Variants in CFAP61 observed in about 807,000 individuals in gnomAD.
The protein encoded by CFAP61 is cilia and flagella associated protein 61, also known as cilia- and flagella-associated protein 61.
CFAP61 carries 107 observed loss-of-function variants against 135.6 expected under a neutral mutation model. That is an observed-to-expected ratio of 0.79 (90% confidence interval 0.67 to 0.93). The LOEUF (loss-of-function observed/expected upper bound fraction) is 0.93, where lower values mean the gene tolerates loss of function less well. CFAP61 is among the 40% of genes least tolerant of loss of function. The pLI is 0.00. For missense variants in CFAP61, 1,507 were observed against 1,556.2 expected (o/e 0.97, Z 0.53); for synonymous variants, 575 against 578.5 (o/e 0.99, Z 0.09).
At position 20,098,772 on chromosome 20, in the gene CFAP61, G is replaced by T; in HGVS notation, c.817G>T (p.Val273Phe). ...HGLCFPHPDDVLESPQDLSVR... is the reference protein window; with the variant it reads ...HGLCFPHPDDFLESPQDLSVR... Reference sequence around the variant, plus strand: ...ACTCTGTTTCCCACATCCTGATGACGTTCTGGAATCACCACAAGACCTAAG... The same window carrying T: ...ACTCTGTTTCCCACATCCTGATGACTTTCTGGAATCACCACAAGACCTAAG... Residue 273 changes from valine to phenylalanine, a missense_variant, in exon 8 of 27, where the codon GTT becomes TTT. Coordinates refer to ENST00000245957, the MANE Select transcript of CFAP61 (RefSeq NM_015585.4). The T allele has an allele frequency of 6.2e-7, 1 of 1,613,922 alleles. No individual in the cohort carries two copies. The highest frequency in any genetic ancestry group is 8.5e-7 in the Non-Finnish European group (1 of 1,179,958).
At chr20:20,064,123 A>T (rs1348532468) in intron 2 of CFAP61, among the ~76,000 whole-genome samples, 1 of 149,188 alleles carries the variant, frequency 6.7e-6, no homozygotes, top group Admixed American at 7.0e-5. Flanking sequence ...TCCGATTGTT[A>T]TCAGTCAGAA....
chr20:20,164,981 G>C (rs1469044835), intron 11 of CFAP61, among the ~76,000 whole-genome samples: 1 of 152,164 alleles, frequency 6.6e-6, no homozygotes, highest in African/African-American at 2.4e-5. Flanking sequence ...CACAAGAACA[G>C]TATGGGGGAA....
intron 8 of CFAP61, chr20:20,107,576 A>G (rs2048500686): frequency 6.6e-6 from 1 of 152,190 alleles, no homozygotes; most frequent in Non-Finnish European, 1.5e-5. Context: ...TATATGTATA[A>G]TATATGTGTG....
chr20:20,070,751 G>T (rs756600377), intron 2 of CFAP61, 103 bp from the exon 3 acceptor site: 49 of 952,016 alleles, frequency 5.1e-5, no homozygotes, highest in Non-Finnish European at 7.2e-5. Context: ...CTGACCTCAT[G>T]CAGTGGCTGC....
At chr20:20,105,919 A>G (rs535775762) in intron 8 of CFAP61, among the ~76,000 whole-genome samples, 42 of 149,338 alleles carry the variant, frequency 2.8e-4, no homozygotes, top group South Asian at 2.1e-3. Flanking sequence ...GATTACAGGC[A>G]TGATGAATTT....
chr20:20,066,703 T>A (rs923120993), intron 2 of CFAP61, among the ~76,000 whole-genome samples: 7 of 152,058 alleles, frequency 4.6e-5, no homozygotes, highest in Non-Finnish European at 8.8e-5. Flanking sequence ...AGGGATAACA[T>A]TAGGAGAAAT....
chr20:20,344,872 A>AT (rs1174819967), intron 26 of CFAP61, among the ~76,000 whole-genome samples: 2 of 152,162 alleles, frequency 1.3e-5, no homozygotes, highest in Non-Finnish European at 2.9e-5. Context: ...AAGTGAATGG[A>AT]TAAAAAAAAA....
At chr20:20,154,011 C>T (rs1352313631) in intron 9 of CFAP61, among the ~76,000 whole-genome samples, 1 of 151,982 alleles carries the variant, frequency 6.6e-6, no homozygotes, top group Admixed American at 6.6e-5. Flanking sequence ...GATAATACAC[C>T]ATGATCAAGT....
intron 8 of CFAP61, among the ~76,000 whole-genome samples, chr20:20,118,033 A>G (rs1364783584): frequency 6.6e-6 from 1 of 152,126 alleles, no homozygotes; most frequent in Non-Finnish European, 1.5e-5. Context: ...TTGTCTGTGA[A>G]CAAAACAAAT....
At chr20:20,257,938 C>T (rs1331832474) in intron 20 of CFAP61, among the ~76,000 whole-genome samples, 1 of 152,078 alleles carries the variant, frequency 6.6e-6, no homozygotes, top group Non-Finnish European at 1.5e-5. Context: ...TTTGAAACAG[C>T]ATGAAGGAAT....
chr20:20,095,643 A>G (rs1345752771), intron 7 of CFAP61: 1 of 152,458 alleles, frequency 6.6e-6, no homozygotes, highest in Non-Finnish European at 1.5e-5. Flanking sequence ...GTTGGAGGCC[A>G]GCGGCGGCTC....
chr20:20,316,654 C>G (rs1489804473), intron 25 of CFAP61: 2 of 151,756 alleles, frequency 1.3e-5, no homozygotes, highest in Non-Finnish European at 2.9e-5. Context: ...TTTTCCCATT[C>G]AGTATGATAT....
chr20:20,277,491 C>G (rs894984203), intron 22 of CFAP61, 33 bp downstream of exon 22: 4 of 1,566,418 alleles, frequency 2.6e-6, no homozygotes, highest in African/African-American at 1.4e-5. Context: ...CACTCACCAG[C>G]CAGGGACAGA....
chr20:20,085,557 G>C (rs1568864780), intron 6 of CFAP61: 8 of 1,360,046 alleles, frequency 5.9e-6, no homozygotes, highest in Non-Finnish European at 7.9e-6. Flanking sequence ...GGATAACTTT[G>C]TTAACGGGCT....
chr20:20,074,835 G>T (rs1215954034), intron 4 of CFAP61, among the ~76,000 whole-genome samples: 4 of 152,138 alleles, frequency 2.6e-5, no homozygotes, highest in South Asian at 2.1e-4. Context: ...ACAGACATTT[G>T]GGGGTGGTGG....
chr20:20,356,321 AGTGGTCACACTGAGGGGAG>A (rs1328143931), intron 26 of CFAP61, among the ~76,000 whole-genome samples: 10 of 33,348 alleles, frequency 3.0e-4, no homozygotes, highest in African/African-American at 1.1e-3. Context: ...ACTGAGGGGA[AGTGGTCACACTGAGGGGAG>A]GTGGTCATAC....
At chr20:20,242,348 A>G (rs1344357696) in intron 18 of CFAP61, among the ~76,000 whole-genome samples, 1 of 152,220 alleles carries the variant, frequency 6.6e-6, no homozygotes, top group East Asian at 1.9e-4. Flanking sequence ...AATTTTACTG[A>G]CTTTAACCAG....
chr20:20,234,870 G>A (rs1417587021), intron 18 of CFAP61, among the ~76,000 whole-genome samples: 1 of 152,146 alleles, frequency 6.6e-6, no homozygotes, highest in African/African-American at 2.4e-5. Flanking sequence ...GTGCTGCAGG[G>A]AAGGCACCCA....
At chr20:20,117,292 T>G (rs976741405) in intron 8 of CFAP61, among the ~76,000 whole-genome samples, 81 of 152,190 alleles carry the variant, frequency 5.3e-4, no homozygotes, top group African/African-American at 1.9e-3. Flanking sequence ...TGCAGTGAGT[T>G]GAGATCGTGC....
Sources: allele counts gnomAD v4.1 joint callset (sites outside exome capture counted in the v4.1 genomes callset), GRCh38; gene constraint gnomAD v4.1.1; transcripts MANE v1.5; gene names NCBI Gene and HGNC (gene_info 2026-07-23, HGNC 2026-07-21).